CAMKMT: variants seen among roughly 807,000 people sequenced by gnomAD.
The protein encoded by CAMKMT is calmodulin-lysine N-methyltransferase, also known as CaM KMT.
A neutral mutation model predicts 48.0 loss-of-function variants in CAMKMT; 53 were observed. That is an observed-to-expected ratio of 1.10 (90% CI 0.89 to 1.39). The LOEUF is 1.39. CAMKMT is among the 40% of genes most tolerant of loss of function. The pLI, the probability that CAMKMT is intolerant of heterozygous loss-of-function variation, is 0.00. For missense variants in CAMKMT, 428 were observed against 402.7 expected, an observed-to-expected ratio of 1.06 and a Z score of -0.54; for synonymous variants, 165 against 152.3, an observed-to-expected ratio of 1.08 and a Z score of -0.61.
chr2:44,640,925 A>G (rs1049720066), intron 3 of CAMKMT, among the ~76,000 whole-genome samples: 2 of 152,192 alleles, frequency 1.3e-5, no homozygotes, highest in Non-Finnish European at 2.9e-5. Context: ...CATGAGTTCC[A>G]TGATCTTCCT....
intron 3 of CAMKMT, among the ~76,000 whole-genome samples, chr2:44,419,686 C>G (rs907669405): frequency 6.6e-6 from 1 of 152,178 alleles, no homozygotes; most frequent in African/African-American, 2.4e-5. Flanking sequence ...AGTAATCTTT[C>G]TGCCTTAAAC....
chr2:44,424,614 T>C (rs1684159456), intron 3 of CAMKMT, among the ~76,000 whole-genome samples: 1 of 152,214 alleles, frequency 6.6e-6, no homozygotes, highest in Admixed American at 6.5e-5. Context: ...TTAATGGCAT[T>C]CACAGCAACC....
intron 2 of CAMKMT, among the ~76,000 whole-genome samples, chr2:44,378,738 C>T (rs1266683197): frequency 3.3e-5 from 5 of 152,246 alleles, no homozygotes; most frequent in Non-Finnish European, 5.9e-5. Context: ...ATGATCCACC[C>T]ACCTTGGCCT....
At chr2:44,479,232 C>T (rs894110400) in intron 3 of CAMKMT, among the ~76,000 whole-genome samples, 1 of 152,082 alleles carries the variant, frequency 6.6e-6, no homozygotes, top group Non-Finnish European at 1.5e-5. Context: ...ACATTTTATA[C>T]TCAATAAAAA....
At chr2:44,658,744 G>C (rs1171395227) in intron 3 of CAMKMT, among the ~76,000 whole-genome samples, 1 of 152,112 alleles carries the variant, frequency 6.6e-6, no homozygotes, top group Non-Finnish European at 1.5e-5. Flanking sequence ...AGAGAGTCTT[G>C]TAACAGATAA....
chr2:44,372,213 T>C (rs1679246216), intron 1 of CAMKMT, among the ~76,000 whole-genome samples: 1 of 152,278 alleles, frequency 6.6e-6, no homozygotes, highest in South Asian at 2.1e-4. Flanking sequence ...AGCCAAGTGC[T>C]GTGGCTCACT....
At chr2:44,405,464 A>G (rs1208387608) in intron 3 of CAMKMT, among the ~76,000 whole-genome samples, 1 of 152,152 alleles carries the variant, frequency 6.6e-6, no homozygotes, top group Admixed American at 6.5e-5. Context: ...ATTTTAATAA[A>G]AAGAAGCTAT....
chr2:44,486,393 GTTGT>G (rs747765055), intron 3 of CAMKMT, among the ~76,000 whole-genome samples: 42 of 152,260 alleles, frequency 2.8e-4, no homozygotes, highest in African/African-American at 7.7e-4. Flanking sequence ...TGTTTTGTTT[GTTGT>G]TTGTTTGTTT....
intron 3 of CAMKMT, among the ~76,000 whole-genome samples, chr2:44,686,959 C>G (rs1369286182): frequency 6.6e-6 from 1 of 152,234 alleles, no homozygotes; most frequent in African/African-American, 2.4e-5. Flanking sequence ...TTTGTATTTT[C>G]TATTAAGCTT....
At position 44,704,341 on chromosome 2, in the gene CAMKMT, C is replaced by G; in HGVS notation, c.435C>G (p.Phe145Leu). 1 of 1,601,636 alleles carries G rather than the reference C, an allele frequency of 6.2e-7. No individual in the cohort carries two copies. The highest frequency in any genetic ancestry group is 1.3e-5 in the African/African-American group (1 of 74,718). ...ACTGCCTCAAGCACAATAATATATT[C>G]AGGTACAGAGCTGCACTTAAGATAT... ...AYYCLKHNNI[F>L]RALAVCELGG... is the part of the protein sequence containing the mutation. Residue 145 changes from phenylalanine (F) to leucine (L), a missense_variant and splice_region_variant, in exon 4 of 11, where the codon TTC becomes TTG. Physicochemically the swap from Phe to Leu is conservative, Grantham distance 22. Transcript: ENST00000378494.
intron 9 of CAMKMT, among the ~76,000 whole-genome samples, chr2:44,759,216 T>C (rs2104396431): frequency 6.6e-6 from 1 of 152,312 alleles, no homozygotes; most frequent in Admixed American, 6.5e-5. Context: ...CACAAACTCC[T>C]GGACTCAGGT....
At chr2:44,649,319 C>G (rs1673928283) in intron 3 of CAMKMT, among the ~76,000 whole-genome samples, 1 of 151,962 alleles carries the variant, frequency 6.6e-6, no homozygotes, top group South Asian at 2.1e-4. Flanking sequence ...AGGTTCAGTC[C>G]TAGGTGCTGG....
chr2:44,412,599 G>C (rs914035860), intron 3 of CAMKMT, among the ~76,000 whole-genome samples: 1 of 152,024 alleles, frequency 6.6e-6, no homozygotes, highest in Non-Finnish European at 1.5e-5. Context: ...GCCTCCCAAA[G>C]TGCTGTGTTT....
In CAMKMT at chr2:44,632,507, C is replaced by G. The variant is rs185951313; in HGVS notation, c.377-71776C>G. ...ACAACAGTGAAACAGATTAACATGT[C>G]TATAATTTCACATAGTCACTTTTTT... On this transcript the variant is annotated intron_variant, in intron 3 of 10. Transcript: ENST00000378494. 3.6e-3 allele frequency among the ~76,000 whole-genome samples: 554 copies of G among 152,260 alleles called. 2 individuals are homozygous for G. The highest frequency in any genetic ancestry group is 0.013 in the African/African-American group (535 of 41,566).
chr2:44,576,875 C>CA lies in CAMKMT; in HGVS notation c.377-127403dup, dbSNP rs532086363. ...GGCTTCAACACTAATCATAACAAAA[C>CA]AAAAATACTGCAAGGAATGTTCATT... On this transcript the variant is annotated intron_variant, in intron 3 of 10. Transcript: ENST00000378494. Among the ~76,000 whole-genome samples the CA allele has an allele frequency of 7.3e-4, 111 of 152,258 alleles. 1 individual carries two copies. The highest frequency in any genetic ancestry group is 2.6e-3 in the African/African-American group (106 of 41,548).
intron 3 of CAMKMT, among the ~76,000 whole-genome samples, chr2:44,439,555 T>A (rs1666505850): frequency 6.6e-6 from 1 of 152,000 alleles, no homozygotes; most frequent in East Asian, 1.9e-4. Flanking sequence ...AATGCCAATA[T>A]GGGCCGGGCG....
chr2:44,372,466 C>CA lies in CAMKMT; in HGVS notation c.139-234dup, dbSNP rs35734499. Among the ~76,000 whole-genome samples, 312 of 136,398 alleles carry CA rather than the reference C, an allele frequency of 2.3e-3. 2 individuals are homozygous for CA. The highest frequency in any genetic ancestry group is 5.6e-3 in the African/African-American group (200 of 35,820). 89.5% of individuals were successfully genotyped at this position (136,398 alleles called of 152,430 possible). On this transcript the variant is annotated intron_variant, in intron 1 of 10. Transcript: ENST00000378494. ...TGCGTGACAAAGTAAGATCCTGTCT[C>CA]AAAAAAAAAAAAAAAAGATATCAGA...
chr2:44,616,600 C>G (rs1671904798), intron 3 of CAMKMT, among the ~76,000 whole-genome samples: 1 of 152,086 alleles, frequency 6.6e-6, no homozygotes, highest in Admixed American at 6.5e-5. Flanking sequence ...GTTTCTTGTC[C>G]TCAGCTCAAC....
chr2:44,415,440 A>G lies in CAMKMT; in HGVS notation c.376+25135A>G, dbSNP rs568620862. ...TATGTGGTTACAAATCAGTCTTGCC[A>G]GTCCTATGTTAATTCGTTATTTCCA... On this transcript the variant is annotated intron_variant, in intron 3 of 10. Coordinates refer to ENST00000378494, the MANE Select transcript of CAMKMT (RefSeq NM_024766.5). Among the ~76,000 whole-genome samples, 6 of 152,354 alleles carry G rather than the reference A, an allele frequency of 3.9e-5. No individual in the cohort carries two copies. The South Asian group carries it at 1.2e-3, about 32-fold the overall frequency.
Sources: allele counts gnomAD v4.1 joint callset (sites outside exome capture counted in the v4.1 genomes callset), GRCh38; gene constraint gnomAD v4.1.1; transcripts MANE v1.5; gene names NCBI Gene and HGNC (gene_info 2026-07-23, HGNC 2026-07-21).